Variants in RNF121 observed in about 807,000 individuals in gnomAD.
RNF121 encodes ring finger protein 121.
A neutral mutation model predicts 46.5 loss-of-function variants in RNF121; 21 were observed. That is an observed-to-expected ratio of 0.45 (90% CI 0.32 to 0.65). The LOEUF is 0.65. RNF121 is among the 30% of genes least tolerant of loss of function. RNF121 has a pLI of 0.04. For missense variants in RNF121, 346 were observed against 416.0 expected (o/e 0.83, Z 1.46); for synonymous variants, 139 against 144.7 (o/e 0.96, Z 0.28).
intron 1 of RNF121, among the ~76,000 whole-genome samples, chr11:71,931,569 C>G (rs747698912): frequency 6.6e-6 from 1 of 152,124 alleles, no homozygotes; most frequent in Non-Finnish European, 1.5e-5. Context: ...ATTATGGGGT[C>G]TACTGTGTGT....
At chr11:71,952,444 A>AT (rs1457815942) in intron 1 of RNF121, among the ~76,000 whole-genome samples, 1 of 152,232 alleles carries the variant, frequency 6.6e-6, no homozygotes, top group African/African-American at 2.4e-5. Context: ...AGTATACTTA[A>AT]TTTTTTAAAA....
At chr11:71,986,247 G>C (rs996555972) in intron 4 of RNF121, among the ~76,000 whole-genome samples, 1 of 152,086 alleles carries the variant, frequency 6.6e-6, no homozygotes, top group African/African-American at 2.4e-5. Context: ...CAGACTAACC[G>C]GGCCCAGGTA....
rs1282405069 is a variant in RNF121 at position 71,929,051 on chromosome 11, G to C, written c.-11G>C. The C allele has an allele frequency of 1.3e-6, 2 of 1,551,156 alleles. No homozygotes were observed. Among genetic ancestry groups the C allele is most frequent in the Non-Finnish European group, 1.7e-6 (2 of 1,146,968 alleles). On this transcript the variant is annotated 5_prime_UTR_variant, in exon 1 of 9. Coordinates refer to ENST00000361756, the MANE Select transcript of RNF121 (RefSeq NM_018320.5). ...CGCGCGGGGACTGCGGTGAGGGGGC[G>C]AGCCGTGAAGATGGCGGCAGTGGTG...
chr11:71,948,162 T>C (rs1359984088), intron 1 of RNF121, among the ~76,000 whole-genome samples: 2 of 152,116 alleles, frequency 1.3e-5, no homozygotes, highest in Admixed American at 1.3e-4. Flanking sequence ...TTTGATGGGA[T>C]AGCAATTGAA....
intron 3 of RNF121, among the ~76,000 whole-genome samples, chr11:71,968,971 C>T (rs1458930611): frequency 2.7e-5 from 4 of 150,460 alleles, no homozygotes; most frequent in Admixed American, 6.7e-5. Context: ...CTGCAACCTC[C>T]GCCTCTTGGG....
In RNF121 at chr11:71,948,513, CAAAAAAAAAAA is replaced by C. The variant is rs55762433; in HGVS notation, c.64-8698_64-8688del. On this transcript the variant is annotated intron_variant, in intron 1 of 8. Transcript: ENST00000361756. ...CTGGGCAACAGAGTGAAACTGTCTC[CAAAAAAAAAAA>C]AAAAAAAAAAAAAAAGCTTATCAAC... 2.1e-3 allele frequency among the ~76,000 whole-genome samples: 74 copies of C among 35,386 alleles called. No homozygotes were observed. The Middle Eastern group carries it at 0.091, about 43-fold the overall frequency. 23.2% of individuals were successfully genotyped at this position (35,386 alleles called of 152,430 possible).
intron 3 of RNF121, among the ~76,000 whole-genome samples, chr11:71,981,163 C>T (rs1002305496): frequency 3.3e-5 from 5 of 152,064 alleles, no homozygotes; most frequent in African/African-American, 9.7e-5. Context: ...ATTCTCCTGC[C>T]TCAGCCTCCT....
intron 3 of RNF121, among the ~76,000 whole-genome samples, chr11:71,973,271 T>C (rs1184082162): frequency 1.3e-5 from 2 of 151,672 alleles, no homozygotes; most frequent in East Asian, 1.9e-4. Context: ...AGTGGAAGGA[T>C]AGCTTGAGCC....
intron 3 of RNF121, among the ~76,000 whole-genome samples, chr11:71,973,511 G>T (rs2134193817): frequency 6.6e-6 from 1 of 151,982 alleles, no homozygotes; most frequent in South Asian, 2.1e-4. Context: ...AACAGGCCGG[G>T]CGCGGTGGCT....
intron 3 of RNF121, chr11:71,962,417 T>G (rs1954159342): frequency 5.0e-6 from 2 of 399,458 alleles, no homozygotes; most frequent in South Asian, 2.1e-4. Context: ...CTGCTCTGCT[T>G]GATATGAAGG....
chr11:71,938,065 C>T (rs1168838186), intron 1 of RNF121, among the ~76,000 whole-genome samples: 1 of 152,134 alleles, frequency 6.6e-6, no homozygotes. Context: ...ACAATCCCTG[C>T]CAAGGTTTCT....
At chr11:71,973,763 G>A (rs1402392178) in intron 3 of RNF121, among the ~76,000 whole-genome samples, 3 of 151,558 alleles carry the variant, frequency 2.0e-5, no homozygotes, top group Admixed American at 1.3e-4. Flanking sequence ...CTCTAGCCTG[G>A]GTGACAAGAG....
intron 6 of RNF121, chr11:71,990,920 C>T (rs1026996728): frequency 9.8e-6 from 6 of 613,226 alleles, no homozygotes; most frequent in African/African-American, 1.8e-5. Flanking sequence ...ATGTGCGTTG[C>T]AGCAACATGC....
Position 71,995,510 on chromosome 11 carries a change from C to A in RNF121, c.822C>A (p.Tyr274Ter). Residue 274 changes from tyrosine to a stop codon, truncating the protein, a stop_gained, in exon 8 of 9, where the codon TAC becomes TAA. Coordinates refer to ENST00000361756, the MANE Select transcript of RNF121 (RefSeq NM_018320.5). LOFTEE classifies it high-confidence loss of function. ...CIVGKKQTCP[Y>*]CKEKVDLKRM... ...TGGGAAAGAAGCAAACGTGTCCCTA[C>A]TGCAAAGAGAAGGTAGACCTCAAGA... The A allele has an allele frequency of 6.3e-7, 1 of 1,596,206 alleles. No homozygotes were observed. Among genetic ancestry groups the A allele is most frequent in the Non-Finnish European group, 8.5e-7 (1 of 1,169,894 alleles).
intron 1 of RNF121, among the ~76,000 whole-genome samples, chr11:71,948,357 C>G (rs933360588): frequency 6.6e-6 from 1 of 151,674 alleles, no homozygotes; most frequent in South Asian, 2.1e-4. Context: ...CTTTACTAAA[C>G]GTACAAAAAT....
chr11:71,965,805 C>T (rs945752513), intron 3 of RNF121, among the ~76,000 whole-genome samples: 2 of 152,138 alleles, frequency 1.3e-5, no homozygotes, highest in African/African-American at 4.8e-5. Flanking sequence ...TTATAGTTTA[C>T]AATCCATCAA....
chr11:71,993,169 C>G (rs561914299), intron 6 of RNF121, among the ~76,000 whole-genome samples: 3 of 152,292 alleles, frequency 2.0e-5, no homozygotes, highest in South Asian at 4.1e-4. Context: ...TCCCTCTTAC[C>G]TATTTGTGTA....
intron 6 of RNF121, among the ~76,000 whole-genome samples, chr11:71,993,010 G>A (rs748260731): frequency 3.9e-5 from 6 of 152,042 alleles, no homozygotes; most frequent in Non-Finnish European, 8.8e-5. Flanking sequence ...ATCTAGTACC[G>A]TTTAAGGCCA....
At chr11:71,988,502 G>T (rs1954808747) in intron 5 of RNF121, among the ~76,000 whole-genome samples, 1 of 151,960 alleles carries the variant, frequency 6.6e-6, no homozygotes, top group South Asian at 2.1e-4. Flanking sequence ...TTTATTTTAG[G>T]ACAAGTAAAA....
Sources: allele counts gnomAD v4.1 joint callset (sites outside exome capture counted in the v4.1 genomes callset), GRCh38; gene constraint gnomAD v4.1.1; transcripts MANE v1.5; gene names NCBI Gene and HGNC (gene_info 2026-07-23, HGNC 2026-07-21).